Variants in TEKT3 observed in about 807,000 individuals in gnomAD.
The protein encoded by TEKT3 is tektin-3.
TEKT3 carries 49 observed loss-of-function variants against 49.8 expected under a neutral mutation model. The observed-to-expected ratio is 0.98, with a 90% CI of 0.78 to 1.25. The LOEUF (loss-of-function observed/expected upper bound fraction) is 1.25, where lower values mean the gene tolerates loss of function less well. Among genes scored for constraint, TEKT3 ranks in the 50% most tolerant of loss-of-function variants. The probability of loss-of-function intolerance (pLI) is 0.00; values close to 1 mark genes in which losing one functional copy is unlikely to be tolerated. For missense variants in TEKT3, 595 were observed against 629.5 expected, an observed-to-expected ratio of 0.95 and a Z score of 0.59; for synonymous variants, 225 against 237.2, an observed-to-expected ratio of 0.95 and a Z score of 0.47.
intron 7 of TEKT3, among the ~76,000 whole-genome samples, chr17:15,312,028 A>G (rs1910789415): frequency 6.6e-6 from 1 of 152,218 alleles, no homozygotes; most frequent in East Asian, 1.9e-4. Context: ...TTTTCATTAC[A>G]TAGTGCCTTC....
chr17:15,324,869 T>C (rs531536356), intron 4 of TEKT3, among the ~76,000 whole-genome samples: 1 of 152,354 alleles, frequency 6.6e-6, no homozygotes, highest in South Asian at 2.1e-4. Flanking sequence ...CGAATATTCA[T>C]GCCTATGTTC....
Position 15,303,841 on chromosome 17 carries a change from A to T in TEKT3, c.*95T>A. 2 of 1,183,836 alleles carry T rather than the reference A, an allele frequency of 1.7e-6. No individual in the cohort carries two copies. Among genetic ancestry groups the T allele is most frequent in the Non-Finnish European group, 2.5e-6 (2 of 807,920 alleles). The allele number at this position is 1,183,836 out of a possible 1,614,324, so 73.3% of individuals were successfully genotyped here. On this transcript the variant is annotated 3_prime_UTR_variant, in exon 9 of 9. Transcript: ENST00000395930. ...TACATTTCCATCAGCATAATCCTTTAATAAGTGACTATATTAGCATTCGGT... is the reference window on the plus strand; with the variant it reads ...TACATTTCCATCAGCATAATCCTTTTATAAGTGACTATATTAGCATTCGGT...
At chr17:15,335,942 T>C (rs1911961823) in intron 2 of TEKT3, among the ~76,000 whole-genome samples, 1 of 152,112 alleles carries the variant, frequency 6.6e-6, no homozygotes, top group African/African-American at 2.4e-5. Context: ...AGCACCTTGG[T>C]AACCTATGGT....
In TEKT3 at chr17:15,338,768, G is replaced by A. The variant is rs560406015; in HGVS notation, c.-30+1260C>T. Among the ~76,000 whole-genome samples, 4 of 148,378 alleles carry A rather than the reference G, an allele frequency of 2.7e-5. No individual in the cohort carries two copies. In the South Asian group the frequency reaches 6.4e-4, roughly 24 times the overall value. On this transcript the variant is annotated intron_variant, in intron 2 of 8. Transcript: ENST00000395930. ...CCTGAACTCGTGATCTGCCAGCCTC[G>A]GCCTCCCAAAGTGTTGGGATTACAG...
chr17:15,335,112 T>C (rs1373462383), intron 2 of TEKT3, among the ~76,000 whole-genome samples: 1 of 152,206 alleles, frequency 6.6e-6, no homozygotes, highest in African/African-American at 2.4e-5. Flanking sequence ...AAGGCAATTT[T>C]CAGACAATGA....
Position 15,304,403 on chromosome 17 carries a change from C to T in TEKT3, c.1257-251G>A, listed in dbSNP as rs1910452622. On this transcript the variant is annotated intron_variant, in intron 8 of 8. Coordinates refer to ENST00000395930, the MANE Select transcript of TEKT3 (RefSeq NM_031898.3). The surrounding 1 kb of genome is among the most constrained non-coding windows in gnomAD (Gnocchi z 4.7). The stretch of plus-strand genomic sequence containing the variant: ...CATAATTATAGAAAAATATCTAGAC[C>T]ATTTTAAAATCATTATGCCAAGGCA... Among the ~76,000 whole-genome samples, 1 of 152,102 alleles carries T rather than the reference C, an allele frequency of 6.6e-6. No individual in the cohort carries two copies.
intron 8 of TEKT3, chr17:15,306,839 G>A (rs1910570515): frequency 6.6e-6 from 1 of 152,188 alleles, no homozygotes; most frequent in Admixed American, 6.5e-5. Flanking sequence ...CCAAGTGGGT[G>A]TGCACTCACT....
intron 2 of TEKT3, among the ~76,000 whole-genome samples, chr17:15,332,498 A>C (rs1348399498): frequency 6.6e-6 from 1 of 152,168 alleles, no homozygotes; most frequent in African/African-American, 2.4e-5. Context: ...GCAGCAGGGA[A>C]TTGCTTGGCA....
chr17:15,310,833 C>A (rs1910740058), intron 7 of TEKT3: 1 of 152,134 alleles, frequency 6.6e-6, no homozygotes, highest in African/African-American at 2.4e-5. Context: ...ACCTCATTAA[C>A]CTTCTCATCA....
chr17:15,341,125 G>A (rs372492312), intron 1 of TEKT3, among the ~76,000 whole-genome samples: 1 of 152,288 alleles, frequency 6.6e-6, no homozygotes. Flanking sequence ...CTGAAGGCTC[G>A]GCTATTGAAG....
At chr17:15,318,777 C>A (rs906413024) in intron 5 of TEKT3, among the ~76,000 whole-genome samples, 1 of 152,098 alleles carries the variant, frequency 6.6e-6, no homozygotes, top group South Asian at 2.1e-4. Context: ...TGGGCTCAAG[C>A]GATTTTCCTG....
At chr17:15,327,828 T>C (rs554404945) in intron 4 of TEKT3, 164 bp downstream of exon 4, 2 of 537,848 alleles carry the variant, frequency 3.7e-6, no homozygotes, top group African/African-American at 3.7e-5. Flanking sequence ...ATTGAATATA[T>C]GTTATAACCA....
At chr17:15,306,089 A>ATATATATATATGTG (rs1291765039) in intron 8 of TEKT3, among the ~76,000 whole-genome samples, 27 of 144,410 alleles carry the variant, frequency 1.9e-4, no homozygotes, top group African/African-American at 6.9e-4. Flanking sequence ...ATTTATATAT[A>ATATATATATATGTG]TGTGTGTGTG....
In TEKT3 at chr17:15,328,039, TTC is replaced by T. The variant is rs1911563851; in HGVS notation, c.614_615del (p.Arg205AsnfsTer9). 1 of 1,614,114 alleles carries T rather than the reference TTC, an allele frequency of 6.2e-7. No homozygotes were observed. The highest frequency in any genetic ancestry group is 1.3e-5 in the African/African-American group (1 of 75,056). On this transcript the variant is annotated frameshift_variant, in exon 4 of 9. Transcript: ENST00000395930. LOFTEE classifies it high-confidence loss of function. ...TCATCGTGAACTAGGTCGATTCCCA[TTC>T]TCTTTTCTCGATGAAATAGACATTC... ...ARECLFHREK[R>X]MGIDLVHDEV...
chr17:15,306,777 TCTC>T (rs1471678316), intron 8 of TEKT3: 1 of 152,154 alleles, frequency 6.6e-6, no homozygotes, highest in African/African-American at 2.4e-5. Flanking sequence ...CAGTTCAGCT[TCTC>T]CTAATAACAT....
chr17:15,329,227 T>G (rs902809683), intron 3 of TEKT3, among the ~76,000 whole-genome samples: 11 of 152,246 alleles, frequency 7.2e-5, no homozygotes, highest in Non-Finnish European at 1.3e-4. Context: ...CTTTAACATT[T>G]TTTCTTATAT....
intron 7 of TEKT3, among the ~76,000 whole-genome samples, chr17:15,310,040 G>C (rs1351340309): frequency 6.6e-6 from 1 of 152,148 alleles, no homozygotes; most frequent in Non-Finnish European, 1.5e-5. Context: ...TCTGTCACTT[G>C]AGCTTCGACC....
chr17:15,313,531 A>G (rs1409773782), intron 6 of TEKT3, among the ~76,000 whole-genome samples: 1 of 150,966 alleles, frequency 6.6e-6, no homozygotes, highest in Admixed American at 6.6e-5. Context: ...TTTTTTTGAG[A>G]CAGAGTCTCA....
At chr17:15,329,541 G>A (rs971010393) in intron 3 of TEKT3, among the ~76,000 whole-genome samples, 1 of 152,266 alleles carries the variant, frequency 6.6e-6, no homozygotes, top group Non-Finnish European at 1.5e-5. Flanking sequence ...ATACTTCAGA[G>A]TAATCTGATG....
Sources: allele counts gnomAD v4.1 joint callset (sites outside exome capture counted in the v4.1 genomes callset), GRCh38; gene constraint gnomAD v4.1.1; non-coding constraint Gnocchi (gnomAD v3.1); transcripts MANE v1.5; gene names NCBI Gene and HGNC (gene_info 2026-07-23, HGNC 2026-07-21).